The following TEX14 variants were observed in gnomAD, a reference collection of about 807,000 sequenced individuals.
TEX14 encodes testis expressed 14, intercellular bridge forming factor.
In TEX14, 168 loss-of-function variants were observed where a neutral mutation model predicts 178.6. The observed-to-expected ratio is 0.94, with a 90% CI of 0.83 to 1.07. The LOEUF (loss-of-function observed/expected upper bound fraction) is 1.07, where lower values mean the gene tolerates loss of function less well. TEX14 is among the 50% of genes least tolerant of loss of function. TEX14 has a pLI of 0.00. For synonymous variants in TEX14, 626 were observed against 634.1 expected (o/e 0.99, Z 0.19); for missense variants, 1,730 against 1,753.6 (o/e 0.99, Z 0.24).
At chr17:58,674,767 GTATAGTATGTCAAT>G (rs2047364882) in intron 1 of TEX14, among the ~76,000 whole-genome samples, 1 of 146,038 alleles carries the variant, frequency 6.8e-6, no homozygotes, top group Non-Finnish European at 1.5e-5. Context: ...AAAAGCACAA[GTATAGTATGTCAAT>G]TATCCTTCAA....
intron 2 of TEX14, among the ~76,000 whole-genome samples, chr17:58,638,754 G>T (rs1456037024): frequency 5.3e-5 from 8 of 151,854 alleles, no homozygotes; most frequent in Non-Finnish European, 1.0e-4. Flanking sequence ...TGGTCAGGCT[G>T]GTCTTGAACT....
At chr17:58,639,116 C>T (rs901536205) in intron 2 of TEX14, among the ~76,000 whole-genome samples, 4 of 151,610 alleles carry the variant, frequency 2.6e-5, no homozygotes, top group Admixed American at 1.3e-4. Context: ...CCACCCACCT[C>T]GGCCTCTCAA....
chr17:58,570,167 CA>C (rs11289066), intron 25 of TEX14, among the ~76,000 whole-genome samples: 79,392 of 149,506 alleles, frequency 0.53, 22,037 homozygotes, highest in East Asian at 0.69. Flanking sequence ...AAAAGATATG[CA>C]AAAAAAAAAG....
chr17:58,640,644 T>TGTGTGTGAGAGA (rs1555577606), intron 2 of TEX14, among the ~76,000 whole-genome samples: 1 of 147,052 alleles, frequency 6.8e-6, no homozygotes, highest in African/African-American at 2.5e-5. Flanking sequence ...TGTGTGTGTG[T>TGTGTGTGAGAGA]GAGAGAGAGA....
chr17:58,659,314 T>C (rs1001371643), intron 1 of TEX14: 12 of 979,010 alleles, frequency 1.2e-5, no homozygotes, highest in South Asian at 4.7e-5. Context: ...ATTATTTACT[T>C]AATATTGCTA....
chr17:58,659,327 A>G (rs1347410754), intron 1 of TEX14: 1 of 982,890 alleles, frequency 1.0e-6, no homozygotes, highest in Non-Finnish European at 1.2e-6. Context: ...TATTGCTAAT[A>G]CCTTACCATC....
intron 18 of TEX14, among the ~76,000 whole-genome samples, 185 bp downstream of exon 18, chr17:58,585,616 T>G (rs953214493): frequency 3.5e-5 from 5 of 142,978 alleles, no homozygotes; most frequent in African/African-American, 5.2e-5. Flanking sequence ...TAATGTTTTT[T>G]TTTTTTTTTT....
At chr17:58,592,413 C>G (rs2045171680) in intron 15 of TEX14, among the ~76,000 whole-genome samples, 1 of 151,802 alleles carries the variant, frequency 6.6e-6, no homozygotes, top group South Asian at 2.1e-4. Context: ...CCTCTCACTG[C>G]AAGCTCTGCT....
intron 21 of TEX14, among the ~76,000 whole-genome samples, chr17:58,576,826 T>A (rs1199656305): frequency 3.3e-5 from 5 of 152,228 alleles, no homozygotes; most frequent in African/African-American, 1.2e-4. Flanking sequence ...CTCTGGAAAT[T>A]TAGCCAAGTT....
At chr17:58,654,483 G>GA (rs1206902406) in intron 1 of TEX14, among the ~76,000 whole-genome samples, 118 of 130,668 alleles carry the variant, frequency 9.0e-4, no homozygotes, top group East Asian at 2.1e-3. Flanking sequence ...AGAAGCTTTG[G>GA]AAAAAAAAAA....
intron 28 of TEX14, among the ~76,000 whole-genome samples, chr17:58,563,621 TTATA>T (rs3034889): frequency 0.086 from 3,953 of 46,028 alleles, 164 homozygotes; most frequent in Admixed American, 0.12. Context: ...CATCTCTAAT[TTATA>T]TATATATATA....
At chr17:58,563,658 T>TAG (rs1180956521) in intron 28 of TEX14, among the ~76,000 whole-genome samples, 211 of 17,384 alleles carry the variant, frequency 0.012, 1 homozygote, top group Non-Finnish European at 0.013. Context: ...TATATATATA[T>TAG]AGAGAGAGAG....
intron 2 of TEX14, among the ~76,000 whole-genome samples, chr17:58,641,898 G>A (rs1468608676): frequency 6.6e-6 from 1 of 152,190 alleles, no homozygotes; most frequent in African/African-American, 2.4e-5. Flanking sequence ...TAGATGCTGG[G>A]TATAGCATCT....
chr17:58,680,361 G>A (rs546320094), intron 1 of TEX14, among the ~76,000 whole-genome samples: 1 of 152,270 alleles, frequency 6.6e-6, no homozygotes, highest in South Asian at 2.1e-4. Context: ...AAAGTGTCAT[G>A]CTTACATACA....
intron 1 of TEX14, among the ~76,000 whole-genome samples, chr17:58,663,288 G>T (rs1310639599): frequency 6.6e-6 from 1 of 151,162 alleles, no homozygotes; most frequent in Non-Finnish European, 1.5e-5. Context: ...CGGTTGTGGC[G>T]GTGCATGCCT....
intron 2 of TEX14, among the ~76,000 whole-genome samples, chr17:58,637,055 C>T (rs2046451342): frequency 1.3e-5 from 2 of 151,458 alleles, no homozygotes; most frequent in African/African-American, 2.4e-5. Context: ...GGTGAAACCC[C>T]GTTTCTACTA....
chr17:58,672,411 C>T (rs1395124021), intron 1 of TEX14, among the ~76,000 whole-genome samples: 15 of 152,164 alleles, frequency 9.9e-5, no homozygotes, highest in Admixed American at 7.2e-4. Flanking sequence ...TTTATGCAAA[C>T]TGCAACTACA....
chr17:58,662,964 C>T (rs573345509), intron 1 of TEX14, among the ~76,000 whole-genome samples: 56 of 151,792 alleles, frequency 3.7e-4, no homozygotes, highest in African/African-American at 1.2e-3. Flanking sequence ...AAAAATTAGC[C>T]GGGCGTGGTG....
At chr17:58,566,356 T>C (rs1567990734) in intron 26 of TEX14, among the ~76,000 whole-genome samples, 2 of 152,220 alleles carry the variant, frequency 1.3e-5, no homozygotes, top group Non-Finnish European at 2.9e-5. Flanking sequence ...AGTGGTAAAA[T>C]TGGTAAAAAT....
Sources: allele counts gnomAD v4.1 joint callset (sites outside exome capture counted in the v4.1 genomes callset), GRCh38; gene constraint gnomAD v4.1.1; transcripts MANE v1.5; gene names NCBI Gene and HGNC (gene_info 2026-07-23, HGNC 2026-07-21).